Variants in IQCF5 observed in about 807,000 individuals in gnomAD.
The protein encoded by IQCF5 is IQ domain-containing protein F5.
Under a neutral mutation model 3.4 loss-of-function variants are expected in IQCF5, and 2 were observed. The ratio of observed to expected loss-of-function variants is 0.58; its 90% confidence interval spans 0.24 to 1.84. The LOEUF (loss-of-function observed/expected upper bound fraction) is 1.84. Ranked by LOEUF, IQCF5 falls within the 40% of genes most tolerant of loss-of-function variation. The probability of loss-of-function intolerance (pLI) is 0.17; values close to 1 mark genes in which losing one functional copy is unlikely to be tolerated. For missense variants in IQCF5, 167 were observed against 191.6 expected (o/e 0.87, Z 0.76); for synonymous variants, 58 against 64.7 (o/e 0.90, Z 0.49).
rs571907670 is a variant in IQCF5, at chr3:51,873,929, C to T, written c.251G>A (p.Arg84His). The change falls in exon 2 of 2, where the codon CGC becomes CAC. Residue 84 changes from arginine (R) to histidine (H), a missense_variant. By Grantham distance (29) the Arg-to-His change is conservative. Coordinates refer to ENST00000446461, the MANE Select transcript of IQCF5 (RefSeq NM_001145059.2). Reference protein sequence around the residue: ...LQSWVRMWCVRQRYCRLLNAV... With the variant: ...LQSWVRMWCVHQRYCRLLNAV... Reference sequence around the variant, plus strand: ...GTTGAGCAAACGACAGTAACGCTGGCGGACACACCACATGCGGACCCAGGA... The same window carrying T: ...GTTGAGCAAACGACAGTAACGCTGGTGGACACACCACATGCGGACCCAGGA... The T allele has an allele frequency of 2.5e-5, 39 of 1,551,848 alleles. No individual in the cohort carries two copies. The East Asian group carries it at 3.4e-4, about 14-fold the overall frequency.
At chr3:51,875,126 T>C in intron 1 of IQCF5, 1 of 243,182 alleles carries the variant, frequency 4.1e-6, no homozygotes, top group Non-Finnish European at 8.1e-6. Context: ...GGTAAGGGTG[T>C]GGCCTGGTAG....
chr3:51,874,217 G>A, intron 1 of IQCF5, 42 bp from the exon 2 acceptor site: 1 of 1,524,972 alleles, frequency 6.6e-7, no homozygotes, highest in Non-Finnish European at 8.9e-7. Flanking sequence ...TGCTAGGAAG[G>A]GGCCCTGATC....
At chr3:51,875,260 G>A (rs1698783994) in intron 1 of IQCF5, 1 of 516,616 alleles carries the variant, frequency 1.9e-6, no homozygotes, top group African/African-American at 1.9e-5. Context: ...CCATCCTTCT[G>A]GAATCAGAGT....
chr3:51,875,368 T>C, intron 1 of IQCF5, 160 bp downstream of exon 1: 1 of 781,404 alleles, frequency 1.3e-6, no homozygotes, highest in Non-Finnish European at 2.2e-6. Flanking sequence ...CTTCCTGGCT[T>C]TCTCTAGGAC....
intron 1 of IQCF5, 41 bp from the exon 2 acceptor site, chr3:51,874,216 G>A (rs1480625476): frequency 6.5e-7 from 1 of 1,527,610 alleles, no homozygotes; most frequent in Non-Finnish European, 8.9e-7. Context: ...ATGCTAGGAA[G>A]GGGCCCTGAT....
intron 1 of IQCF5, chr3:51,874,787 G>C (rs1698778750): frequency 8.4e-6 from 2 of 237,072 alleles, no homozygotes; most frequent in South Asian, 6.2e-5. Context: ...TATGGTCCGG[G>C]ATCACACTCC....
In IQCF5 at chr3:51,875,599, A is replaced by G. The variant is rs1280481115; in HGVS notation, c.-68T>C. Reference sequence around the variant, plus strand: ...CTCCGATCAGGACTCCAACAGGAAGAGTGGAGGAAGGGCGGGACCTGTGAT... The same window carrying G: ...CTCCGATCAGGACTCCAACAGGAAGGGTGGAGGAAGGGCGGGACCTGTGAT... On this transcript the variant is annotated 5_prime_UTR_variant, in exon 1 of 2. Coordinates refer to ENST00000446461, the MANE Select transcript of IQCF5 (RefSeq NM_001145059.2). The G allele has an allele frequency of 1.3e-6, 2 of 1,539,046 alleles. No individual in the cohort carries two copies. Among genetic ancestry groups the G allele is most frequent in the Non-Finnish European group, 8.8e-7 (1 of 1,135,368 alleles).
At chr3:51,874,340 C>T in intron 1 of IQCF5, 165 bp from the exon 2 acceptor site, 1 of 736,846 alleles carries the variant, frequency 1.4e-6, no homozygotes. Flanking sequence ...AGTGGATGTG[C>T]TCACCTCACT....
chr3:51,874,682 G>T, intron 1 of IQCF5: 1 of 351,864 alleles, frequency 2.8e-6, no homozygotes, highest in South Asian at 2.2e-5. Context: ...AGCTATGCAT[G>T]CATCTGTACA....
chr3:51,874,412 A>C, intron 1 of IQCF5: 1 of 683,486 alleles, frequency 1.5e-6, no homozygotes, highest in Non-Finnish European at 2.7e-6. Context: ...TAGCTACCTC[A>C]TTCCATTTTC....
chr3:51,875,366 C>A, intron 1 of IQCF5, 162 bp downstream of exon 1: 1 of 772,054 alleles, frequency 1.3e-6, no homozygotes, highest in Non-Finnish European at 2.2e-6. Context: ...AGCTTCCTGG[C>A]TTTCTCTAGG....
chr3:51,875,334 A>T (rs1397228447), intron 1 of IQCF5, 194 bp downstream of exon 1: 2 of 653,568 alleles, frequency 3.1e-6, no homozygotes, highest in African/African-American at 3.6e-5. Context: ...CAAGTCAAAC[A>T]CCATTCTCAC....
Position 51,873,826 on chromosome 3 carries a change from G to C in IQCF5, c.354C>G (p.Leu118=), listed in dbSNP as rs1034481630. The part of the protein sequence containing the change: ...SRVFIEGHYE[L]KENQLNIQLE... ...GTTGAATATTAAGTTGGTTTTCTTT[G>C]AGTTCATAGTGGCCCTCAATAAAGA... Residue 118 remains leucine, a synonymous_variant, in exon 2 of 2, where the codon CTC becomes CTG. Coordinates refer to ENST00000446461, the MANE Select transcript of IQCF5 (RefSeq NM_001145059.2). 6.4e-7 allele frequency: 1 copy of C among 1,551,590 alleles called. No homozygotes were observed. The highest frequency in any genetic ancestry group is 1.4e-5 in the African/African-American group (1 of 73,036).
chr3:51,875,367 T>C (rs1698784961), intron 1 of IQCF5, 161 bp downstream of exon 1: 2 of 778,848 alleles, frequency 2.6e-6, no homozygotes, highest in Non-Finnish European at 4.4e-6. Flanking sequence ...GCTTCCTGGC[T>C]TTCTCTAGGA....
In IQCF5 at chr3:51,874,116, A is replaced by C. The variant is rs1208852700; in HGVS notation, c.64T>G (p.Trp22Gly). 6.4e-7 allele frequency: 1 copy of C among 1,552,510 alleles called. No individual in the cohort carries two copies. The highest frequency in any genetic ancestry group is 1.2e-5 in the South Asian group (1 of 84,092). The change falls in exon 2 of 2, where the codon TGG becomes GGG. Residue 22 changes from tryptophan (W) to glycine (G), a missense_variant. By Grantham distance (184) the Trp-to-Gly change is radical. Transcript: ENST00000446461. The stretch of plus-strand genomic sequence containing the variant: ...GTGCGTCGCACCAGCATGCCCCGCC[A>C]CCAGGCCTGGATGAAAACAGCTGCA... ...RSAAVFIQAW[W>G]RGMLVRRTLL...
rs1698787886 is a variant in IQCF5 at position 51,875,583 on chromosome 3, G to A, written c.-52C>T. The stretch of plus-strand genomic sequence containing the variant: ...CCTCCGGCCCGCACTCCTCCGATCA[G>A]GACTCCAACAGGAAGAGTGGAGGAA... On this transcript the variant is annotated 5_prime_UTR_variant, in exon 1 of 2. Transcript: ENST00000446461. 1 of 1,550,568 alleles carries A rather than the reference G, an allele frequency of 6.4e-7. No homozygotes were observed. Among genetic ancestry groups the A allele is most frequent in the Admixed American group, 2.0e-5 (1 of 51,008 alleles).
intron 1 of IQCF5, chr3:51,874,622 G>C: frequency 2.7e-6 from 1 of 365,146 alleles, no homozygotes; most frequent in Admixed American, 3.6e-5. Context: ...CCTCACCAAA[G>C]TGGTAACAGA....
chr3:51,874,506 T>C (rs1359001248), intron 1 of IQCF5: 3 of 501,324 alleles, frequency 6.0e-6, no homozygotes, highest in African/African-American at 5.8e-5. Flanking sequence ...TCCATGACTC[T>C]TCCCTTCAGA....
In IQCF5 at chr3:51,873,796, T is replaced by A. The variant is rs147364375; in HGVS notation, c.384A>T (p.Glu128Asp). The A allele has an allele frequency of 8.7e-4, 1,357 of 1,551,714 alleles. 8 individuals are homozygous for A. In the African/African-American group the frequency reaches 0.015, roughly 18 times the overall value. Residue 128 changes from glutamate to aspartate, a missense_variant, in exon 2 of 2, where the codon GAA (glutamate) becomes GAT (aspartate). Physicochemically the swap from Glu to Asp is conservative, Grantham distance 45. Coordinates refer to ENST00000446461, the MANE Select transcript of IQCF5 (RefSeq NM_001145059.2). ...LKENQLNIQL[E>D]ISLGLQACKV... Reference sequence around the variant, plus strand: ...TACAAGCCTGTAAGCCCAAAGAGATTTCAAGTTGAATATTAAGTTGGTTTT... The same window carrying A: ...TACAAGCCTGTAAGCCCAAAGAGATATCAAGTTGAATATTAAGTTGGTTTT...
Sources: allele counts gnomAD v4.1 joint callset, GRCh38; gene constraint gnomAD v4.1.1; transcripts MANE v1.5; gene names NCBI Gene and HGNC (gene_info 2026-07-23, HGNC 2026-07-21).